The following DOCK10 variants were observed in gnomAD, a reference collection of about 807,000 sequenced individuals.
DOCK10 encodes the protein dedicator of cytokinesis 10, also known as dedicator of cytokinesis protein 10.
In DOCK10, 145 loss-of-function variants were observed where a neutral mutation model predicts 280.1. That is an observed-to-expected ratio of 0.52 (90% CI 0.45 to 0.59). DOCK10 has a LOEUF of 0.59. Ranked by LOEUF, DOCK10 falls within the 20% of genes least tolerant of loss-of-function variation. The pLI, the probability that DOCK10 is intolerant of heterozygous loss-of-function variation, is 0.00. For synonymous variants in DOCK10, 915 were observed against 942.2 expected, an observed-to-expected ratio of 0.97 and a Z score of 0.53; for missense variants, 2,368 against 2,651.7, an observed-to-expected ratio of 0.89 and a Z score of 2.35.
intron 1 of DOCK10, among the ~76,000 whole-genome samples, chr2:225,030,032 G>T (rs1690033603): frequency 1.3e-5 from 2 of 151,620 alleles, no homozygotes; most frequent in Admixed American, 1.3e-4. Context: ...TGTAGTCCCA[G>T]CTACTTGGGA....
In DOCK10 at chr2:224,806,274, T is replaced by C. The variant is rs774933020; in HGVS notation, c.3703-37A>G. The C allele has an allele frequency of 3.2e-6, 4 of 1,263,462 alleles. No individual in the cohort carries two copies. The South Asian group carries it at 4.1e-5, about 13-fold the overall frequency. The allele number at this position is 1,263,462 out of a possible 1,614,324, so 78.3% of individuals were successfully genotyped here. ...GTATAGTAAAGATTAATGGGAATCATGGCATTTCAACATTGTTAACCCACA... is the reference window on the plus strand; with the variant it reads ...GTATAGTAAAGATTAATGGGAATCACGGCATTTCAACATTGTTAACCCACA... On this transcript the variant is annotated intron_variant, in intron 33 of 55. Transcript: ENST00000258390.
chr2:225,017,418 C>G (rs594581), intron 1 of DOCK10, among the ~76,000 whole-genome samples: 112,247 of 151,428 alleles, frequency 0.74, 42,469 homozygotes, highest in Middle Eastern at 0.88. Flanking sequence ...GAGAAAGAGA[C>G]AGACAGAGAT....
intron 2 of DOCK10, among the ~76,000 whole-genome samples, chr2:224,931,347 C>T (rs1702362958): frequency 6.6e-6 from 1 of 152,182 alleles, no homozygotes; most frequent in Admixed American, 6.5e-5. Context: ...TCCCCAGTGG[C>T]CACTGACTCA....
At chr2:224,893,452 T>TA (rs1699820245) in intron 4 of DOCK10, 1 of 173,044 alleles carries the variant, frequency 5.8e-6, no homozygotes, top group Admixed American at 6.5e-5. Context: ...TCGACCATGG[T>TA]AAAAAATTTT....
At chr2:224,771,598 C>T (rs980157970) in intron 53 of DOCK10, among the ~76,000 whole-genome samples, 2 of 152,208 alleles carry the variant, frequency 1.3e-5, no homozygotes, top group Admixed American at 1.3e-4. Context: ...TGCATAGAAG[C>T]CTTTAATGTG....
intron 3 of DOCK10, among the ~76,000 whole-genome samples, chr2:224,908,665 TA>T (rs1700823093): frequency 6.6e-6 from 1 of 152,060 alleles, no homozygotes; most frequent in South Asian, 2.1e-4. Flanking sequence ...CCCAGCTAAT[TA>T]AAAAGTTTTT....
Position 224,808,537 on chromosome 2 carries a change from G to A in DOCK10, c.3410-451C>T, listed in dbSNP as rs558955446. ...TGGGAGAAGCGATTGGATTTTCGAT[G>A]GCACAGAATTCTGAAAGCGCAGGTG... On this transcript the variant is annotated intron_variant, in intron 31 of 55. Transcript: ENST00000258390. Among the ~76,000 whole-genome samples, 19 of 152,190 alleles carry A rather than the reference G, an allele frequency of 1.2e-4. 1 individual carries two copies. In the South Asian group the frequency reaches 3.9e-3, roughly 32 times the overall value.
chr2:224,860,080 C>T (rs1346246195), intron 14 of DOCK10, among the ~76,000 whole-genome samples: 1 of 152,210 alleles, frequency 6.6e-6, no homozygotes, highest in Non-Finnish European at 1.5e-5. Context: ...AACCAGACCA[C>T]TAATTGGGCA....
chr2:224,773,353 C>T lies in DOCK10; in HGVS notation c.6014-6G>A. 6.2e-7 allele frequency: 1 copy of T among 1,604,210 alleles called. No individual in the cohort carries two copies. Among genetic ancestry groups the T allele is most frequent in the East Asian group, 2.2e-5 (1 of 44,762 alleles). On this transcript the variant is annotated splice_polypyrimidine_tract_variant and splice_region_variant and intron_variant, in intron 52 of 55. Transcript: ENST00000258390. ...GTAGGGGAACAGGTGACTCGCTGTA[C>T]AAAAGCCATACAAAGGGATTTCAAG...
rs574601610 is a variant in DOCK10 at position 224,884,569 on chromosome 2, G to T, written c.747+1102C>A. 3.3e-5 allele frequency among the ~76,000 whole-genome samples: 5 copies of T among 152,310 alleles called. No individual in the cohort carries two copies. The East Asian group carries it at 7.7e-4, about 24-fold the overall frequency. On this transcript the variant is annotated intron_variant, in intron 7 of 55. Transcript: ENST00000258390. ...TTCGAAAGCCAAATGTCCAAATGGG[G>T]TCTATGGAATTATTCTGCTTCCCTT...
intron 1 of DOCK10, among the ~76,000 whole-genome samples, chr2:225,007,915 A>G (rs1310936430): frequency 6.6e-6 from 1 of 152,164 alleles, no homozygotes; most frequent in African/African-American, 2.4e-5. Flanking sequence ...ATGATCAGGG[A>G]TATGCATTCT....
At chr2:224,845,732 T>G in intron 19 of DOCK10, 90 bp from the exon 20 acceptor site, 1 of 1,306,554 alleles carries the variant, frequency 7.7e-7, no homozygotes, top group Non-Finnish European at 1.1e-6. Flanking sequence ...AAACAATCTT[T>G]TTTTTTTTTG....
chr2:224,791,234 T>C (rs1692172917), intron 47 of DOCK10, among the ~76,000 whole-genome samples: 1 of 152,208 alleles, frequency 6.6e-6, no homozygotes, highest in African/African-American at 2.4e-5. Context: ...CTGGTTATGA[T>C]AAGCAATAGA....
chr2:224,980,180 C>T (rs540550198), intron 1 of DOCK10, among the ~76,000 whole-genome samples: 7 of 152,274 alleles, frequency 4.6e-5, no homozygotes, highest in East Asian at 1.9e-4. Context: ...AGTACTCCTT[C>T]GTCAGAATCA....
At chr2:225,014,244 A>C (rs1414952377) in intron 1 of DOCK10, among the ~76,000 whole-genome samples, 1 of 151,974 alleles carries the variant, frequency 6.6e-6, no homozygotes, top group Non-Finnish European at 1.5e-5. Flanking sequence ...TTCTAGAGTT[A>C]CTGGGTACCA....
chr2:224,918,012 C>T (rs556086085), intron 2 of DOCK10, among the ~76,000 whole-genome samples: 1 of 152,300 alleles, frequency 6.6e-6, no homozygotes, highest in Non-Finnish European at 1.5e-5. Flanking sequence ...AATCTCCAAA[C>T]CCATCCTCAG....
In DOCK10 at chr2:224,845,652, A is replaced by G. The variant is rs776506914; in HGVS notation, c.2236-10T>C. 2 of 1,606,686 alleles carry G rather than the reference A, an allele frequency of 1.2e-6. No homozygotes were observed. Among genetic ancestry groups the G allele is most frequent in the East Asian group, 2.2e-5 (1 of 44,854 alleles). ...GTAGCTCAATTTTCACCTGCAACGA[A>G]AGAAACCATAGTTGGACTGAGATTA... is the stretch of plus-strand genomic sequence containing the variant. On this transcript the variant is annotated splice_polypyrimidine_tract_variant and intron_variant, in intron 19 of 55. Coordinates refer to ENST00000258390, the MANE Select transcript of DOCK10 (RefSeq NM_014689.3).
intron 25 of DOCK10, among the ~76,000 whole-genome samples, chr2:224,836,959 A>G (rs1176992173): frequency 1.3e-5 from 2 of 152,108 alleles, no homozygotes; most frequent in African/African-American, 4.8e-5. Flanking sequence ...CTGTGCATAC[A>G]TATTAAGAGA....
intron 50 of DOCK10, among the ~76,000 whole-genome samples, chr2:224,782,147 A>T (rs888898009): frequency 2.6e-5 from 4 of 152,216 alleles, no homozygotes; most frequent in African/African-American, 9.6e-5. Flanking sequence ...TATGTGGCCT[A>T]GATCAGCGAC....
Sources: allele counts gnomAD v4.1 joint callset (sites outside exome capture counted in the v4.1 genomes callset), GRCh38; gene constraint gnomAD v4.1.1; transcripts MANE v1.5; gene names NCBI Gene and HGNC (gene_info 2026-07-23, HGNC 2026-07-21).